Variants in PAWR observed in about 807,000 individuals in gnomAD.
PAWR encodes pro-apoptotic WT1 regulator.
PAWR carries 23 observed loss-of-function variants against 32.0 expected under a neutral mutation model. The observed-to-expected ratio is 0.72, with a 90% CI of 0.52 to 1.02. The LOEUF (loss-of-function observed/expected upper bound fraction) is 1.02, where lower values mean the gene tolerates loss of function less well. Ranked by LOEUF, PAWR falls within the 50% of genes least tolerant of loss-of-function variation. The pLI, the probability that PAWR is intolerant of heterozygous loss-of-function variation, is 0.00. For synonymous variants in PAWR, 226 were observed against 187.1 expected (o/e 1.21, Z -1.70); for missense variants, 457 against 437.7 (o/e 1.04, Z -0.39).
chr12:79,589,474 AG>A lies in PAWR; in HGVS notation c.*3132del, dbSNP rs1206382143. On this transcript the variant is annotated 3_prime_UTR_variant, in exon 7 of 7. Transcript: ENST00000328827. ...CACAATTAAAAATTTTTTAAACTGA[AG>A]AAAAAAAAAAACTACATTGCTCCAC... 1 of 152,012 alleles carries A rather than the reference AG, an allele frequency of 6.6e-6. No homozygotes were observed. The highest frequency in any genetic ancestry group is 1.5e-5 in the Non-Finnish European group (1 of 67,976). 9.4% of individuals were successfully genotyped at this position (152,012 alleles called of 1,614,324 possible).
At chr12:79,617,522 A>G (rs910868052) in intron 3 of PAWR, among the ~76,000 whole-genome samples, 1 of 152,094 alleles carries the variant, frequency 6.6e-6, no homozygotes, top group Non-Finnish European at 1.5e-5. Context: ...AAAAGAGAAA[A>G]CTGGGCATAT....
intron 2 of PAWR, among the ~76,000 whole-genome samples, chr12:79,624,434 A>T (rs1875179559): frequency 6.6e-6 from 1 of 152,160 alleles, no homozygotes; most frequent in Non-Finnish European, 1.5e-5. Context: ...GAACTGTGAT[A>T]CCTGAAGTTA....
At chr12:79,681,253 T>C (rs1878433609) in intron 2 of PAWR, among the ~76,000 whole-genome samples, 1 of 152,090 alleles carries the variant, frequency 6.6e-6, no homozygotes, top group African/African-American at 2.4e-5. Context: ...AGTAAGGTCC[T>C]TTCCCAATGA....
Position 79,591,803 on chromosome 12 carries a change from T to A in PAWR, c.*804A>T, listed in dbSNP as rs1299621339. On this transcript the variant is annotated 3_prime_UTR_variant, in exon 7 of 7. Coordinates refer to ENST00000328827, the MANE Select transcript of PAWR (RefSeq NM_002583.4). ...TGGATTTTTTTCTCCTACACTGACT[T>A]TGTACACTTTCCAGGCCCGAAGAAT... 1 of 152,474 alleles carries A rather than the reference T, an allele frequency of 6.6e-6. No homozygotes were observed. The highest frequency in any genetic ancestry group is 1.5e-5 in the Non-Finnish European group (1 of 67,978). The allele number at this position is 152,474 out of a possible 1,614,324, so 9.4% of individuals were successfully genotyped here.
chr12:79,618,505 C>T (rs1874852522), intron 3 of PAWR, among the ~76,000 whole-genome samples: 1 of 152,168 alleles, frequency 6.6e-6, no homozygotes, highest in Non-Finnish European at 1.5e-5. Flanking sequence ...GAACTATAAT[C>T]ACCTTACTGT....
At chr12:79,690,526 T>C in intron 1 of PAWR, 135 bp from the exon 2 acceptor site, 1 of 381,554 alleles carries the variant, frequency 2.6e-6, no homozygotes, top group Non-Finnish European at 4.5e-6. Flanking sequence ...AGCCGCCGGG[T>C]CCCCACCCTG....
chr12:79,631,831 T>C (rs983274652), intron 2 of PAWR, among the ~76,000 whole-genome samples: 2 of 152,054 alleles, frequency 1.3e-5, no homozygotes, highest in Non-Finnish European at 2.9e-5. Context: ...TGAAAAAACA[T>C]TTTTAAAGAA....
chr12:79,659,910 G>C (rs567550612), intron 2 of PAWR, among the ~76,000 whole-genome samples: 1 of 152,120 alleles, frequency 6.6e-6, no homozygotes, highest in Non-Finnish European at 1.5e-5. Context: ...AGATTAAAGG[G>C]GGTGGGGAAA....
chr12:79,678,415 T>C (rs903302756), intron 2 of PAWR, among the ~76,000 whole-genome samples: 6 of 152,242 alleles, frequency 3.9e-5, no homozygotes, highest in African/African-American at 1.4e-4. Context: ...TTTCTGAACA[T>C]CACCATTTCC....
At chr12:79,618,134 T>G (rs562346646) in intron 3 of PAWR, among the ~76,000 whole-genome samples, 17 of 152,160 alleles carry the variant, frequency 1.1e-4, no homozygotes, top group Non-Finnish European at 2.2e-4. Flanking sequence ...TCTTTTTTTT[T>G]TTGTTTCTTT....
chr12:79,637,454 G>A (rs1475037874), intron 2 of PAWR, among the ~76,000 whole-genome samples: 2 of 149,760 alleles, frequency 1.3e-5, no homozygotes, highest in Non-Finnish European at 3.0e-5. Flanking sequence ...CTCGACCTCT[G>A]CCCTAGCTTT....
chr12:79,589,135 C>T lies in PAWR; in HGVS notation c.*3472G>A, dbSNP rs1034569382. ...AGCACTACATGCAACTTACTGGTCA[C>T]CAACTCAGAACCCATAAAACTATAC... is the stretch of plus-strand genomic sequence containing the variant. On this transcript the variant is annotated 3_prime_UTR_variant, in exon 7 of 7. Coordinates refer to ENST00000328827, the MANE Select transcript of PAWR (RefSeq NM_002583.4). 2.0e-5 allele frequency: 3 copies of T among 151,756 alleles called. No individual in the cohort carries two copies. Among genetic ancestry groups the T allele is most frequent in the Non-Finnish European group, 4.4e-5 (3 of 67,836 alleles). The allele number at this position is 151,756 out of a possible 1,614,324, so 9.4% of individuals were successfully genotyped here.
intron 2 of PAWR, among the ~76,000 whole-genome samples, chr12:79,640,363 T>C (rs1876261484): frequency 6.6e-6 from 1 of 152,172 alleles, no homozygotes; most frequent in Non-Finnish European, 1.5e-5. Flanking sequence ...TATTCCTCTA[T>C]TGCAGACCTT....
rs1873464045 is a variant in PAWR, at chr12:79,588,880, C to T, written c.*3727G>A. ...TTTAAACTGGGAAACAATCAACTTC[C>T]ATATATCCAGGAGAAACTTAGCATG... On this transcript the variant is annotated 3_prime_UTR_variant, in exon 7 of 7. Transcript: ENST00000328827. The T allele has an allele frequency of 6.6e-6, 1 of 151,948 alleles. No homozygotes were observed. Among genetic ancestry groups the T allele is most frequent in the African/African-American group, 2.4e-5 (1 of 41,406 alleles). The allele number at this position is 151,948 out of a possible 1,614,324, so 9.4% of individuals were successfully genotyped here.
At chr12:79,613,296 T>C (rs1385925703) in intron 4 of PAWR, among the ~76,000 whole-genome samples, 1 of 152,234 alleles carries the variant, frequency 6.6e-6, no homozygotes, top group Non-Finnish European at 1.5e-5. Context: ...ATATTTTCAA[T>C]GTTTAAATAC....
At chr12:79,632,316 T>TATATATATATATATATAC (rs1875693623) in intron 2 of PAWR, among the ~76,000 whole-genome samples, 2 of 21,554 alleles carry the variant, frequency 9.3e-5, no homozygotes, top group Non-Finnish European at 1.4e-4. Context: ...TACATACATA[T>TATATATATATATATATAC]ATATATATAT....
chr12:79,600,975 C>T (rs1873939403), intron 4 of PAWR, among the ~76,000 whole-genome samples: 2 of 152,114 alleles, frequency 1.3e-5, no homozygotes, highest in African/African-American at 4.8e-5. Context: ...TTTCTAAATG[C>T]TTATTCTCAA....
intron 4 of PAWR, among the ~76,000 whole-genome samples, chr12:79,607,087 C>T (rs1364176066): frequency 6.6e-6 from 1 of 152,108 alleles, no homozygotes; most frequent in Non-Finnish European, 1.5e-5. Context: ...CTATTGCATG[C>T]CTGACAGCAT....
chr12:79,641,845 C>CAA (rs35377529), intron 2 of PAWR, among the ~76,000 whole-genome samples: 5 of 57,686 alleles, frequency 8.7e-5, no homozygotes, highest in Non-Finnish European at 9.1e-5. Context: ...GACTCCGTCT[C>CAA]AAAAAAAAAA....
Sources: allele counts gnomAD v4.1 joint callset (sites outside exome capture counted in the v4.1 genomes callset), GRCh38; gene constraint gnomAD v4.1.1; transcripts MANE v1.5; gene names NCBI Gene and HGNC (gene_info 2026-07-23, HGNC 2026-07-21).